The following PCDH11Y variants were observed in gnomAD, a reference collection of about 807,000 sequenced individuals.
PCDH11Y encodes the protein protocadherin 11 Y-linked, also known as protocadherin-11 Y-linked.
For synonymous variants in PCDH11Y, 9 were observed against 83.6 expected (o/e 0.11, Z 4.87); for missense variants, 12 against 224.8 (o/e 0.05, Z 6.05).
chrY:5,332,016 G>A (rs2053131891), intron 2 of PCDH11Y, among the ~76,000 whole-genome samples: 1 of 33,612 alleles, frequency 3.0e-5, no homozygotes, highest in Non-Finnish European at 7.4e-5. Flanking sequence ...CAGTACTTTG[G>A]GAGGCCGAGG....
intron 2 of PCDH11Y, among the ~76,000 whole-genome samples, chrY:5,376,890 CAATT>C (rs2053198240): frequency 4.2e-5 from 1 of 24,003 alleles, no homozygotes; most frequent in Non-Finnish European, 9.3e-5. Context: ...AATGTCAAAA[CAATT>C]AAGGATAAGA....
intron 2 of PCDH11Y, among the ~76,000 whole-genome samples, chrY:5,395,012 C>T: frequency 3.0e-5 from 1 of 32,797 alleles, no homozygotes; most frequent in Non-Finnish European, 7.5e-5. Context: ...CACTTCCTAC[C>T]TCCAAGGACC....
intron 3 of PCDH11Y, among the ~76,000 whole-genome samples, chrY:5,034,526 G>T (rs2052596131): frequency 9.1e-5 from 3 of 32,930 alleles, no homozygotes; most frequent in Non-Finnish European, 2.3e-4. Flanking sequence ...GCCAAATTAG[G>T]CCAAGGTGAA....
intron 2 of PCDH11Y, among the ~76,000 whole-genome samples, chrY:5,474,478 T>C: frequency 7.1e-5 from 2 of 28,284 alleles, no homozygotes; most frequent in African/African-American, 2.8e-4. Flanking sequence ...AGGTTCCCTA[T>C]CATGTGAACC....
chrY:5,446,079 C>A, intron 2 of PCDH11Y, among the ~76,000 whole-genome samples: 3 of 33,139 alleles, frequency 9.1e-5, no homozygotes, highest in Non-Finnish European at 2.2e-4. Flanking sequence ...GTCAATAACC[C>A]TATTTTCCAT....
intron 2 of PCDH11Y, among the ~76,000 whole-genome samples, chrY:5,238,986 A>T: frequency 6.2e-5 from 2 of 32,186 alleles, no homozygotes; most frequent in South Asian, 1.4e-3. Flanking sequence ...GGGACTGTAA[A>T]CTAGTTCAAC....
intron 2 of PCDH11Y, among the ~76,000 whole-genome samples, chrY:5,408,807 G>A: frequency 1.8e-4 from 6 of 33,743 alleles, no homozygotes; most frequent in Non-Finnish European, 7.3e-5. Flanking sequence ...AATATTATTG[G>A]CTTTTATTCC....
At chrY:5,218,017 T>C in intron 2 of PCDH11Y, among the ~76,000 whole-genome samples, 22 of 33,396 alleles carry the variant, frequency 6.6e-4, no homozygotes, top group African/African-American at 2.5e-3. Flanking sequence ...TTTCAAAAAA[T>C]AGAAAAAAGC....
At chrY:5,173,772 T>C in intron 2 of PCDH11Y, among the ~76,000 whole-genome samples, 1 of 28,937 alleles carries the variant, frequency 3.5e-5, no homozygotes, top group Admixed American at 3.3e-4. Flanking sequence ...AATTGTCTAA[T>C]GGTGAAGTCT....
At chrY:5,566,587 C>T in intron 3 of PCDH11Y, among the ~76,000 whole-genome samples, 1 of 32,002 alleles carries the variant, frequency 3.1e-5, no homozygotes, top group Non-Finnish European at 7.6e-5. Context: ...TAAATGTAAC[C>T]GGTAATGACA....
At chrY:5,603,132 G>A (rs2124699729) in intron 4 of PCDH11Y, among the ~76,000 whole-genome samples, 1 of 30,639 alleles carries the variant, frequency 3.3e-5, no homozygotes, top group East Asian at 8.6e-4. Context: ...TGTAAGCATA[G>A]TAAAGCAATA....
intron 3 of PCDH11Y, among the ~76,000 whole-genome samples, chrY:5,558,977 G>T: frequency 3.1e-5 from 1 of 32,091 alleles, no homozygotes. Flanking sequence ...AATATATATG[G>T]GATATTATAG....
intron 2 of PCDH11Y, among the ~76,000 whole-genome samples, chrY:5,239,881 G>T: frequency 3.0e-5 from 1 of 33,165 alleles, no homozygotes; most frequent in Non-Finnish European, 7.4e-5. Context: ...TGGAGTAGTT[G>T]TGACAATTTC....
chrY:5,108,074 AC>A (rs2052796302), downstream of PCDH11Y, among the ~76,000 whole-genome samples: 13 of 22,451 alleles, frequency 5.8e-4, no homozygotes, highest in South Asian at 7.5e-3. Flanking sequence ...AAAAAAAAAA[AC>A]AAAAAAAAAC....
chrY:5,115,454 G>C, intron 2 of PCDH11Y, among the ~76,000 whole-genome samples: 1 of 31,459 alleles, frequency 3.2e-5, no homozygotes, highest in African/African-American at 1.3e-4. Context: ...ACGCCAAATA[G>C]AAATCATTGT....
intron 2 of PCDH11Y, among the ~76,000 whole-genome samples, chrY:5,300,132 A>G (rs2053080237): frequency 3.0e-5 from 1 of 33,718 alleles, no homozygotes; most frequent in African/African-American, 1.2e-4. Flanking sequence ...GAAACAAAGA[A>G]GCAAAATGAG....
At chrY:5,546,449 A>C in intron 3 of PCDH11Y, among the ~76,000 whole-genome samples, 1 of 32,035 alleles carries the variant, frequency 3.1e-5, no homozygotes, top group Non-Finnish European at 7.7e-5. Context: ...CATATAAATA[A>C]TTCCTATTAT....
chrY:5,693,738 G>A, intron 4 of PCDH11Y, among the ~76,000 whole-genome samples: 1 of 32,867 alleles, frequency 3.0e-5, no homozygotes, highest in Non-Finnish European at 7.5e-5. Context: ...AGACAAGAGA[G>A]CAATAATTCA....
intron 2 of PCDH11Y, among the ~76,000 whole-genome samples, chrY:5,137,092 T>C: frequency 3.1e-5 from 1 of 31,951 alleles, no homozygotes; most frequent in African/African-American, 1.2e-4. Context: ...TCAGATCACC[T>C]ATAAAGGAAA....
Sources: allele counts gnomAD v4.1 joint callset (sites outside exome capture counted in the v4.1 genomes callset), GRCh38; gene constraint gnomAD v4.1.1; transcripts MANE v1.5; gene names NCBI Gene and HGNC (gene_info 2026-07-23, HGNC 2026-07-21).